Variants in PHF24 observed in about 807,000 individuals in gnomAD.
PHF24 encodes the protein Galpha inhibitory interacting protein.
In PHF24, 25 loss-of-function variants were observed where a neutral mutation model predicts 42.6. That is an observed-to-expected ratio of 0.59 (90% CI 0.43 to 0.82). The LOEUF is 0.82. Ranked by LOEUF, PHF24 falls within the 40% of genes least tolerant of loss-of-function variation. The probability of loss-of-function intolerance (pLI) is 0.00; values close to 1 mark genes in which losing one functional copy is unlikely to be tolerated. For missense variants in PHF24, 470 were observed against 538.1 expected, an observed-to-expected ratio of 0.87 and a Z score of 1.25; for synonymous variants, 185 against 204.8, an observed-to-expected ratio of 0.90 and a Z score of 0.83.
the PHF24 span, among the ~76,000 whole-genome samples, chr9:34,901,367 A>C: frequency 1.3e-5 from 2 of 152,236 alleles, no homozygotes; most frequent in African/African-American, 4.8e-5. Flanking sequence ...CAAATTCAGC[A>C]ACATATAATT....
the PHF24 span, among the ~76,000 whole-genome samples, chr9:34,760,594 G>T: frequency 7.9e-5 from 12 of 152,172 alleles, no homozygotes; most frequent in East Asian, 1.2e-3. Context: ...GCCGGTTACC[G>T]CCCGGTGCAG....
At chr9:34,728,230 C>G in the PHF24 span, 15 of 661,824 alleles carry the variant, frequency 2.3e-5, no homozygotes, top group Non-Finnish European at 3.9e-5. Context: ...AGTACAGCAT[C>G]GCTGTAACAC....
the PHF24 span, among the ~76,000 whole-genome samples, chr9:34,698,287 A>C: frequency 6.6e-6 from 1 of 152,152 alleles, no homozygotes; most frequent in Non-Finnish European, 1.5e-5. Context: ...CCTCCTAGTC[A>C]GTGTTTTTCA....
chr9:34,873,188 T>G, the PHF24 span, among the ~76,000 whole-genome samples: 1 of 151,768 alleles, frequency 6.6e-6, no homozygotes, highest in East Asian at 1.9e-4. Flanking sequence ...TCTTTTGCTG[T>G]GCAGAAGCTC....
chr9:34,723,863 G>A, the PHF24 span: 2 of 1,551,698 alleles, frequency 1.3e-6, no homozygotes, highest in Non-Finnish European at 1.7e-6. Context: ...AGGGACTCGT[G>A]GAGGTAGCTG....
At chr9:34,707,991 A>G in the PHF24 span, among the ~76,000 whole-genome samples, 1 of 151,962 alleles carries the variant, frequency 6.6e-6, no homozygotes, top group African/African-American at 2.4e-5. Flanking sequence ...TGGCCTCCCA[A>G]AGTGCTGGGA....
At chr9:34,813,522 G>T in the PHF24 span, among the ~76,000 whole-genome samples, 6 of 152,134 alleles carry the variant, frequency 3.9e-5, no homozygotes, top group East Asian at 1.2e-3. Context: ...CTTGACTGGG[G>T]AAGAATCTTC....
chr9:34,765,358 G>T, the PHF24 span, among the ~76,000 whole-genome samples: 2 of 149,184 alleles, frequency 1.3e-5, no homozygotes, highest in African/African-American at 4.9e-5. Context: ...GGTCACTCAG[G>T]ACTTGCTTTA....
At chr9:34,838,459 C>T in the PHF24 span, 1 of 1,327,300 alleles carries the variant, frequency 7.5e-7, no homozygotes, top group Non-Finnish European at 1.1e-6. Context: ...TAAGGGATAT[C>T]CAACATCCCA....
At chr9:34,795,101 A>G in the PHF24 span, among the ~76,000 whole-genome samples, 1 of 152,158 alleles carries the variant, frequency 6.6e-6, no homozygotes, top group Non-Finnish European at 1.5e-5. Context: ...ACACATTCAT[A>G]TAGGGCAACA....
the PHF24 span, among the ~76,000 whole-genome samples, chr9:34,720,337 C>T: frequency 5.9e-5 from 9 of 151,582 alleles, no homozygotes; most frequent in East Asian, 5.9e-4. Context: ...CCCAGCTACT[C>T]GGGAGGCTGA....
chr9:34,709,102 G>T, the PHF24 span: 1 of 525,606 alleles, frequency 1.9e-6, no homozygotes, highest in Non-Finnish European at 3.3e-6. Context: ...CAGGTCCAGG[G>T]TCCTGATGAT....
the PHF24 span, chr9:34,922,609 G>A: frequency 1.0e-6 from 1 of 980,050 alleles, no homozygotes; most frequent in African/African-American, 1.6e-5. Flanking sequence ...TGGGGATCAA[G>A]AACTTTTCCA....
At chr9:34,810,028 C>G in the PHF24 span, among the ~76,000 whole-genome samples, 3 of 150,516 alleles carry the variant, frequency 2.0e-5, no homozygotes, top group African/African-American at 7.3e-5. Context: ...CCGCCGCCGC[C>G]GCCCACGCCT....
At chr9:34,844,427 T>C in the PHF24 span, among the ~76,000 whole-genome samples, 1 of 152,164 alleles carries the variant, frequency 6.6e-6, no homozygotes, top group East Asian at 1.9e-4. Flanking sequence ...CATTTATTGC[T>C]ATAAACTTCC....
At chr9:34,763,456 G>A in the PHF24 span, among the ~76,000 whole-genome samples, 1 of 152,090 alleles carries the variant, frequency 6.6e-6, no homozygotes, top group Non-Finnish European at 1.5e-5. Flanking sequence ...TCTCTTTGAA[G>A]CAATTGTGAA....
the PHF24 span, among the ~76,000 whole-genome samples, chr9:34,895,939 A>G: frequency 6.6e-6 from 1 of 152,126 alleles, no homozygotes; most frequent in Non-Finnish European, 1.5e-5. Context: ...TGTTCAGATG[A>G]GGGTGTCTGG....
At chr9:34,918,224 G>A in the PHF24 span, 31 of 1,496,468 alleles carry the variant, frequency 2.1e-5, no homozygotes, top group South Asian at 1.2e-4. Flanking sequence ...ACCCCTTTTC[G>A]GTGACAGAAG....
At chr9:34,931,375 CAAA>C in the PHF24 span, among the ~76,000 whole-genome samples, 36 of 82,920 alleles carry the variant, frequency 4.3e-4, no homozygotes, top group African/African-American at 1.7e-3. Context: ...GACTCTGTAT[CAAA>C]AAAAAAAAAA....
Sources: allele counts gnomAD v4.1 joint callset (sites outside exome capture counted in the v4.1 genomes callset), GRCh38; gene constraint gnomAD v4.1.1; transcripts MANE v1.5; gene names NCBI Gene and HGNC (gene_info 2026-07-23, HGNC 2026-07-21).